The following NPAS3 variants were observed in gnomAD, a reference collection of about 807,000 sequenced individuals.
NPAS3 encodes neuronal PAS domain-containing protein 3.
Under a neutral mutation model 73.1 loss-of-function variants are expected in NPAS3, and 14 were observed. The ratio of observed to expected loss-of-function variants is 0.19; its 90% confidence interval spans 0.13 to 0.30. The LOEUF (loss-of-function observed/expected upper bound fraction) is 0.30, where lower values mean the gene tolerates loss of function less well. Among genes scored for constraint, NPAS3 ranks in the 10% least tolerant of loss-of-function variants. The pLI is 1.00. For missense variants in NPAS3, 1,096 were observed against 1,250.0 expected (o/e 0.88, Z 1.86); for synonymous variants, 620 against 541.5 (o/e 1.14, Z -2.01).
intron 6 of NPAS3, among the ~76,000 whole-genome samples, chr14:33,684,762 T>C (rs1364473183): frequency 6.6e-6 from 1 of 152,226 alleles, no homozygotes; most frequent in African/African-American, 2.4e-5. Context: ...ACACTTGGAC[T>C]CTGCTCTGTG....
intron 9 of NPAS3, among the ~76,000 whole-genome samples, chr14:33,791,752 T>C (rs1305364091): frequency 6.6e-6 from 1 of 152,232 alleles, no homozygotes; most frequent in East Asian, 1.9e-4. Flanking sequence ...GATAATTCTT[T>C]TTAAAATTTT....
At chr14:33,066,940 A>G (rs191988642) in intron 2 of NPAS3, among the ~76,000 whole-genome samples, 5 of 152,220 alleles carry the variant, frequency 3.3e-5, no homozygotes, top group African/African-American at 9.6e-5. Context: ...ACATGCTCCA[A>G]ATATGGGGTG....
At chr14:33,542,747 G>C in intron 4 of NPAS3, among the ~76,000 whole-genome samples, 1 of 152,184 alleles carries the variant, frequency 6.6e-6, no homozygotes, top group East Asian at 1.9e-4. Flanking sequence ...ACAAAGAACT[G>C]GATGGTACAC....
At chr14:32,954,169 A>G (rs2036588623) in intron 1 of NPAS3, among the ~76,000 whole-genome samples, 1 of 152,176 alleles carries the variant, frequency 6.6e-6, no homozygotes, top group Non-Finnish European at 1.5e-5. Flanking sequence ...CAAATTTCTT[A>G]AGCATTAATC....
upstream of NPAS3, among the ~76,000 whole-genome samples, chr14:32,938,063 G>A (rs2035755762): frequency 6.6e-6 from 1 of 152,160 alleles, no homozygotes; most frequent in African/African-American, 2.4e-5. Flanking sequence ...GTCGGGAGGG[G>A]CTTCTGTATG....
chr14:33,016,423 A>C (rs1388001415), intron 1 of NPAS3, among the ~76,000 whole-genome samples: 1 of 152,026 alleles, frequency 6.6e-6, no homozygotes, highest in Admixed American at 6.6e-5. Flanking sequence ...TGAATGAATG[A>C]ATGAATGAAA....
intron 7 of NPAS3, among the ~76,000 whole-genome samples, chr14:33,747,753 C>T (rs1042023529): frequency 2.0e-5 from 3 of 152,190 alleles, no homozygotes; most frequent in Non-Finnish European, 4.4e-5. Context: ...TATCCCTTGA[C>T]TTACAGCAGC....
At chr14:33,550,402 G>A (rs558011623) in intron 4 of NPAS3, among the ~76,000 whole-genome samples, 27 of 152,216 alleles carry the variant, frequency 1.8e-4, no homozygotes, top group Non-Finnish European at 3.2e-4. Context: ...CATCAAGAGC[G>A]TCACTGATGA....
chr14:33,101,885 T>C (rs1401308687), intron 2 of NPAS3, among the ~76,000 whole-genome samples: 3 of 152,140 alleles, frequency 2.0e-5, no homozygotes, highest in African/African-American at 7.2e-5. Context: ...CCCTATCTTC[T>C]ATTTCAGTAT....
chr14:33,301,306 T>TATATATATATATATATATATA, intron 3 of NPAS3, among the ~76,000 whole-genome samples: 1 of 81,152 alleles, frequency 1.2e-5, no homozygotes, highest in Non-Finnish European at 2.3e-5. Context: ...GGTTTTATCA[T>TATATATATATATATATATATA]TATATATATA....
rs17101771 is a variant in NPAS3 at position 33,720,407 on chromosome 14, G to A, written c.734-14807G>A. The stretch of plus-strand genomic sequence containing the variant: ...TCCAGGAACGTATAATTAAGGTGAC[G>A]GTCCCAGCTTCTGTGACAGCCAACA... On this transcript the variant is annotated intron_variant, in intron 6 of 11. Coordinates refer to ENST00000356141, the Ensembl canonical transcript of NPAS3. Among the ~76,000 whole-genome samples the A allele has an allele frequency of 5.2e-3, 784 of 152,214 alleles. 10 individuals carry two copies. The highest frequency in any genetic ancestry group is 0.017 in the African/African-American group (720 of 41,534).
At position 33,158,111 on chromosome 14, in the gene NPAS3, C is replaced by G. The variant is rs114575457; in HGVS notation, c.141-57071C>G. ...GTTACATTTATTTTTGGGAAGGAAT[C>G]TATCTGTTACTTGTATTCAAAATCG... is the stretch of plus-strand genomic sequence containing the variant. On this transcript the variant is annotated intron_variant, in intron 2 of 11. Transcript: ENST00000356141. Among the ~76,000 whole-genome samples, 1,353 of 152,326 alleles carry G rather than the reference C, an allele frequency of 8.9e-3. 19 individuals carry two copies. The highest frequency in any genetic ancestry group is 0.031 in the African/African-American group (1,283 of 41,568).
intron 4 of NPAS3, among the ~76,000 whole-genome samples, chr14:33,374,476 T>C (rs1482534978): frequency 2.8e-5 from 4 of 143,390 alleles, no homozygotes; most frequent in African/African-American, 9.8e-5. Flanking sequence ...GTTCTCTATC[T>C]ACCAGAAGTT....
chr14:33,534,097 TATATA>T (rs753307076), intron 4 of NPAS3, among the ~76,000 whole-genome samples: 1 of 151,996 alleles, frequency 6.6e-6, no homozygotes, highest in Non-Finnish European at 1.5e-5. Context: ...CATAATCTAA[TATATA>T]ATCTACAGGG....
At chr14:33,791,524 C>G (rs2063358729) in intron 9 of NPAS3, among the ~76,000 whole-genome samples, 1 of 152,220 alleles carries the variant, frequency 6.6e-6, no homozygotes, top group Non-Finnish European at 1.5e-5. Flanking sequence ...CATACGGTCC[C>G]TTAGCAAAGA....
chr14:33,425,937 G>A (rs2048538319), intron 4 of NPAS3, among the ~76,000 whole-genome samples: 1 of 152,044 alleles, frequency 6.6e-6, no homozygotes, highest in African/African-American at 2.4e-5. Flanking sequence ...CTAGCAGTGT[G>A]TTTCAAACAA....
At chr14:33,769,851 A>G (rs915897279) in intron 7 of NPAS3, among the ~76,000 whole-genome samples, 1 of 136,792 alleles carries the variant, frequency 7.3e-6, no homozygotes, top group African/African-American at 2.8e-5. Flanking sequence ...TGCAGCATCC[A>G]TCTCCTAGGT....
At position 33,774,534 on chromosome 14, in the gene NPAS3, C is replaced by CTT. The variant is rs1566526342; in HGVS notation, c.1046+6_1046+7dup. 6.2e-7 allele frequency: 1 copy of CTT among 1,611,666 alleles called. No homozygotes were observed. Among genetic ancestry groups the CTT allele is most frequent in the East Asian group, 2.2e-5 (1 of 44,804 alleles). ...ATATCATTTACTGTGAAAATAGGTACTTTGTTTTTGTTTTCATTTGCCCTG... is the reference window on the plus strand; with the variant it reads ...ATATCATTTACTGTGAAAATAGGTACTTTTTGTTTTTGTTTTCATTTGCCCTG... On this transcript the variant is annotated splice_donor_region_variant and intron_variant, in intron 8 of 11. Coordinates refer to ENST00000356141, the Ensembl canonical transcript of NPAS3.
At position 33,405,173 on chromosome 14, in the gene NPAS3, G is replaced by T. The variant is rs573904382; in HGVS notation, c.468+37905G>T. On this transcript the variant is annotated intron_variant, in intron 4 of 11. Transcript: ENST00000356141. ...TGGCTGCATGTTGCTGCAGCTCTCT[G>T]TCTTAGTTATCTGGATGGTCTGGAC... Among the ~76,000 whole-genome samples, 48 of 152,048 alleles carry T rather than the reference G, an allele frequency of 3.2e-4. 1 individual carries two copies. The Middle Eastern group carries it at 0.02, about 65-fold the overall frequency.
Sources: gnomAD v4.1 joint callset for allele counts (sites outside exome capture counted in the v4.1 genomes callset) on GRCh38, gnomAD v4.1.1 for gene constraint, MANE v1.5 for transcripts, NCBI Gene and HGNC (gene_info 2026-07-23, HGNC 2026-07-21) for gene names.